CD226: variants seen among roughly 807,000 people sequenced by gnomAD.
CD226 encodes CD226 molecule.
Under a neutral mutation model 34.9 loss-of-function variants are expected in CD226, and 24 were observed. The observed-to-expected ratio is 0.69, with a 90% confidence interval of 0.50 to 0.97. CD226 has a LOEUF of 0.97. CD226 is among the 50% of genes least tolerant of loss of function. CD226 has a pLI of 0.00. For missense variants in CD226, 397 were observed against 412.7 expected, an observed-to-expected ratio of 0.96 and a Z score of 0.33; for synonymous variants, 148 against 147.4, an observed-to-expected ratio of 1.00 and a Z score of -0.03.
intron 2 of CD226, among the ~76,000 whole-genome samples, chr18:69,920,172 ACT>A (rs1304226834): frequency 6.6e-6 from 1 of 152,038 alleles, no homozygotes; most frequent in Non-Finnish European, 1.5e-5. Flanking sequence ...CCTTGTTGTC[ACT>A]CTCTACACAG....
In CD226 at chr18:69,946,957, G is replaced by A. The variant is rs747857144; in HGVS notation, c.159C>T (p.Ile53=). Residue 53 remains isoleucine, a synonymous_variant, in exon 2 of 6, where the codon ATC becomes ATT. Coordinates refer to ENST00000582621, the MANE Select transcript of CD226 (RefSeq NM_001303618.2). ...TGGCTATGGAATCCTGCTGGGTCCCGATCTTGAACCACTCCACCTGTGTTA... is the reference window on the plus strand; with the variant it reads ...TGGCTATGGAATCCTGCTGGGTCCCAATCTTGAACCACTCCACCTGTGTTA... ...GILTQVEWFK[I]GTQQDSIAIF... is the part of the protein sequence containing the mutation. 1.2e-5 allele frequency: 19 copies of A among 1,613,990 alleles called. No homozygotes were observed. The highest frequency in any genetic ancestry group is 1.6e-4 in the Middle Eastern group (1 of 6,084).
chr18:69,886,661 G>A (rs1475036449), intron 3 of CD226, among the ~76,000 whole-genome samples: 1 of 151,840 alleles, frequency 6.6e-6, no homozygotes, highest in Non-Finnish European at 1.5e-5. Context: ...AGCCGAGATC[G>A]TGCCATTGCA....
upstream of CD226, among the ~76,000 whole-genome samples, chr18:69,949,579 T>TCA (rs368025355): frequency 0.11 from 16,377 of 149,798 alleles, 1,699 homozygotes; most frequent in African/African-American, 0.28. Context: ...CTGTGTCCCT[T>TCA]CACACACACA....
At chr18:69,942,654 CTGG>C (rs1335206983) in intron 2 of CD226, among the ~76,000 whole-genome samples, 1 of 152,168 alleles carries the variant, frequency 6.6e-6, no homozygotes, top group Non-Finnish European at 1.5e-5. Flanking sequence ...AGCCCCTTTG[CTGG>C]TGCATGCAGG....
intron 1 of CD226, among the ~76,000 whole-genome samples, chr18:69,953,604 G>A (rs2055871987): frequency 6.6e-6 from 1 of 152,166 alleles, no homozygotes; most frequent in Admixed American, 6.5e-5. Context: ...TTTAAGGTAT[G>A]GGGTTTTCTT....
In CD226 at chr18:69,895,800, G is replaced by C; in HGVS notation, c.628C>G (p.Pro210Ala). 1 of 1,614,122 alleles carries C rather than the reference G, an allele frequency of 6.2e-7. No homozygotes were observed. Among genetic ancestry groups the C allele is most frequent in the African/African-American group, 1.3e-5 (1 of 75,018 alleles). Residue 210 changes from proline to alanine, a missense_variant, in exon 3 of 6, where the codon CCC becomes GCC. Pro to Ala is a conservative substitution (Grantham distance 27, BLOSUM62 -1). Coordinates refer to ENST00000582621, the MANE Select transcript of CD226 (RefSeq NM_001303618.2). ...CCCGAGTCTGAGACTGTGACATCGG[G>C]GATGACGATGACGCTCCACCTTCCG... ...SHGRWSVIVIPDVTVSDSGLY... is the reference protein window; with the variant it reads ...SHGRWSVIVIADVTVSDSGLY...
upstream of CD226, among the ~76,000 whole-genome samples, chr18:69,948,521 T>C (rs1403222822): frequency 1.3e-5 from 2 of 152,206 alleles, no homozygotes; most frequent in Non-Finnish European, 2.9e-5. Context: ...AAGTGTCGAC[T>C]ACTCAGCATG....
At chr18:69,896,178 C>A in intron 2 of CD226, 133 bp from the exon 3 acceptor site, 2 of 1,362,794 alleles carry the variant, frequency 1.5e-6, no homozygotes, top group Non-Finnish European at 1.9e-6. Flanking sequence ...CCTCTTTATA[C>A]TACTTTTTTT....
intron 2 of CD226, among the ~76,000 whole-genome samples, chr18:69,928,468 G>A (rs1428281911): frequency 2.0e-5 from 3 of 152,116 alleles, no homozygotes; most frequent in African/African-American, 7.2e-5. Context: ...AATAAAATAT[G>A]TTCAATGAAA....
At chr18:69,898,800 A>G (rs982183248) in intron 2 of CD226, among the ~76,000 whole-genome samples, 1 of 152,184 alleles carries the variant, frequency 6.6e-6, no homozygotes, top group African/African-American at 2.4e-5. Context: ...TGCAAAGCTC[A>G]GTGGAAGGCA....
rs576874246 is a variant in CD226 at position 69,863,997 on chromosome 18, G to A, written c.*317C>T. On this transcript the variant is annotated 3_prime_UTR_variant, in exon 6 of 6. Coordinates refer to ENST00000582621, the MANE Select transcript of CD226 (RefSeq NM_001303618.2). ...ACTCTGGAAAGGGATTCAGAAGCCA[G>A]TTTATGCCCATACTTAATTCTAGAC... The A allele has an allele frequency of 2.6e-5, 5 of 194,006 alleles. No homozygotes were observed. The highest frequency in any genetic ancestry group is 1.2e-4 in the African/African-American group (5 of 42,866). The allele number at this position is 194,006 out of a possible 1,614,324, so 12.0% of individuals were successfully genotyped here. A position where few individuals can be genotyped will look rare whatever the true frequency, so the allele number is the denominator to read the frequency against.
At chr18:69,906,785 C>T (rs2055259457) in intron 2 of CD226, among the ~76,000 whole-genome samples, 1 of 152,084 alleles carries the variant, frequency 6.6e-6, no homozygotes, top group African/African-American at 2.4e-5. Flanking sequence ...CAATAAGTTC[C>T]AAACACCCTG....
rs1242315401 is a variant in CD226, at chr18:69,862,158, T to C, written c.*2156A>G. On this transcript the variant is annotated 3_prime_UTR_variant, in exon 6 of 6. Coordinates refer to ENST00000582621, the MANE Select transcript of CD226 (RefSeq NM_001303618.2). Reference sequence around the variant, plus strand: ...CCAGTAAAAACCACCATGACAATGGTATCTGACTATACTGTCCCTTCCACA... The same window carrying C: ...CCAGTAAAAACCACCATGACAATGGCATCTGACTATACTGTCCCTTCCACA... The C allele has an allele frequency of 6.6e-6, 1 of 152,154 alleles. No homozygotes were observed. Among genetic ancestry groups the C allele is most frequent in the Non-Finnish European group, 1.5e-5 (1 of 67,980 alleles). The allele number at this position is 152,154 out of a possible 1,614,324, so 9.4% of individuals were successfully genotyped here. A position where few individuals can be genotyped will look rare whatever the true frequency, so the allele number is the denominator to read the frequency against.
At chr18:69,894,273 T>C (rs532035749) in intron 3 of CD226, among the ~76,000 whole-genome samples, 1 of 140,696 alleles carries the variant, frequency 7.1e-6, no homozygotes, top group South Asian at 2.5e-4. Flanking sequence ...CTAGGTTTTG[T>C]GGGGGCTGGA....
chr18:69,937,888 T>C (rs77831897), intron 2 of CD226, among the ~76,000 whole-genome samples: 1,825 of 152,286 alleles, frequency 0.012, 24 homozygotes, highest in Non-Finnish European at 0.019. Flanking sequence ...GAGCCCTTAA[T>C]ATTAAAGGAA....
At chr18:69,947,311 AC>A in intron 1 of CD226, 49 bp downstream of exon 1, 2 of 1,290,190 alleles carry the variant, frequency 1.6e-6, no homozygotes, top group Non-Finnish European at 1.1e-6. Context: ...CACTGTACAA[AC>A]AAAAACAGGA....
At chr18:69,961,056 CAGAAA>C, upstream of CD226, among the ~76,000 whole-genome samples, 1 of 152,176 alleles carries the variant, frequency 6.6e-6, no homozygotes, top group African/African-American at 2.4e-5. Flanking sequence ...TCAAATAAAA[CAGAAA>C]AGAATTTAAT....
At chr18:69,958,821 ACAC>A (rs2055916017), upstream of CD226, among the ~76,000 whole-genome samples, 60 of 150,146 alleles carry the variant, frequency 4.0e-4, 1 homozygote, top group South Asian at 0.012. Context: ...ACACACACAC[ACAC>A]ACACATCCTT....
chr18:69,922,713 T>G (rs558537587), intron 2 of CD226, among the ~76,000 whole-genome samples: 1 of 152,212 alleles, frequency 6.6e-6, no homozygotes, highest in Non-Finnish European at 1.5e-5. Context: ...ATTGTGAGGA[T>G]GCACAGTGCT....
Sources: gnomAD v4.1 joint callset for allele counts (sites outside exome capture counted in the v4.1 genomes callset) on GRCh38, gnomAD v4.1.1 for gene constraint, MANE v1.5 for transcripts, NCBI Gene and HGNC (gene_info 2026-07-23, HGNC 2026-07-21) for gene names.